SLFNL1: variants seen among roughly 807,000 people sequenced by gnomAD.
The protein encoded by SLFNL1 is schlafen-like protein 1.
A neutral mutation model predicts 32.5 loss-of-function variants in SLFNL1; 26 were observed. That is an observed-to-expected ratio of 0.80 (90% CI 0.59 to 1.11). The LOEUF (loss-of-function observed/expected upper bound fraction) is 1.11. Ranked by LOEUF, SLFNL1 falls within the 50% of genes least tolerant of loss-of-function variation. The pLI, the probability that SLFNL1 is intolerant of heterozygous loss-of-function variation, is 0.00. For synonymous variants in SLFNL1, 255 were observed against 242.2 expected, an observed-to-expected ratio of 1.05 and a Z score of -0.49; for missense variants, 553 against 546.5, an observed-to-expected ratio of 1.01 and a Z score of -0.12.
rs750104018 is a variant in SLFNL1, at chr1:41,016,152, T to A, written c.1178A>T (p.Gln393Leu). 1 of 1,614,190 alleles carries A rather than the reference T, an allele frequency of 6.2e-7. No homozygotes were observed. The highest frequency in any genetic ancestry group is 8.5e-7 in the Non-Finnish European group (1 of 1,180,008). ...LMMEKEQLQQ[Q>L]LQQHGPVSCT... is the part of the protein sequence containing the mutation. ...GGACACAGGCCCGTGCTGCTGCAGC[T>A]GCTGCTGGAGCTGCTCCTTCTCCAT... The change falls in exon 6 of 6, where the codon CAG (glutamine) becomes CTG (leucine). Residue 393 changes from glutamine (Q) to leucine (L), a missense_variant. Gln to Leu is a moderately radical substitution (Grantham distance 113). Transcript: ENST00000302946.
chr1:41,017,366 C>A lies in SLFNL1; in HGVS notation c.969G>T (p.Leu323=). Residue 323 remains leucine, a synonymous_variant, in exon 5 of 6, where the codon CTG becomes CTT. Transcript: ENST00000302946. The surrounding 1 kb of genome is among the most constrained non-coding windows in gnomAD (Gnocchi z 4.9). ...TCTGGGCCTTGGGGGTGTGCACGGT[C>A]AGGCGGATCACCTTGGTAGGGGCAA... ...ETSVPLKVIR[L]TVHTPKAQSQ... is the part of the protein sequence containing the mutation. 1 of 1,613,182 alleles carries A rather than the reference C, an allele frequency of 6.2e-7. No homozygotes were observed. The highest frequency in any genetic ancestry group is 8.5e-7 in the Non-Finnish European group (1 of 1,179,724).
chr1:41,016,264 G>T, intron 5 of SLFNL1, 36 bp from the exon 6 acceptor site: 1 of 1,609,602 alleles, frequency 6.2e-7, no homozygotes, highest in Non-Finnish European at 8.5e-7. Context: ...GGCCAAGCCC[G>T]CCTGGTCTCG....
At chr1:41,016,792 C>T (rs575886633) in intron 5 of SLFNL1, 1 of 156,202 alleles carries the variant, frequency 6.4e-6, no homozygotes, top group Admixed American at 6.4e-5. Flanking sequence ...TCACTGCAAC[C>T]TCCGCTTCCC....
In SLFNL1 at chr1:41,017,565, G is replaced by A; in HGVS notation, c.957+70C>T. 6.7e-7 allele frequency: 1 copy of A among 1,501,844 alleles called. No homozygotes were observed. The highest frequency in any genetic ancestry group is 8.9e-7 in the Non-Finnish European group (1 of 1,125,242). The allele number at this position is 1,501,844 out of a possible 1,614,324, so 93.0% of individuals were successfully genotyped here. ...CCTGCCCCAGCACTGCCTGGCAGGA[G>A]TGCAGGCCATCGTCTTACTGAGTGA... On this transcript the variant is annotated intron_variant, in intron 4 of 5. Coordinates refer to ENST00000302946, the MANE Select transcript of SLFNL1 (RefSeq NM_144990.4). The surrounding 1 kb of genome is among the most constrained non-coding windows in gnomAD (Gnocchi z 4.9).
chr1:41,017,782 G>A lies in SLFNL1; in HGVS notation c.810C>T (p.Gly270=), dbSNP rs1439963624. ...VGVEDSGLVQ[G]IRCSHRDEDR... ...CCTCGTCACGGTGGCTGCAGCGGAT[G>A]CCCTGCACCAGGCCGCTGTCCTCTA... Residue 270 remains glycine (G), a synonymous_variant, in exon 4 of 6, where the codon GGC becomes GGT. Coordinates refer to ENST00000302946, the MANE Select transcript of SLFNL1 (RefSeq NM_144990.4). This position sits in a 1 kb window ranked among gnomAD's most constrained non-coding sequence, Gnocchi z 4.9. The A allele has an allele frequency of 2.5e-6, 4 of 1,606,184 alleles. No homozygotes were observed. The South Asian group carries it at 4.4e-5, about 18-fold the overall frequency.
chr1:41,020,150 T>C, intron 3 of SLFNL1, 76 bp downstream of exon 3: 1 of 1,443,042 alleles, frequency 6.9e-7, no homozygotes. Flanking sequence ...CCATCCCCAC[T>C]CTGCAGGCCA....
At chr1:41,016,892 T>TA (rs1643380020) in intron 5 of SLFNL1, 1 of 178,580 alleles carries the variant, frequency 5.6e-6, no homozygotes, top group Non-Finnish European at 1.2e-5. Context: ...GTATTTTTAG[T>TA]AGAGACGAGG....
chr1:41,018,857 A>G (rs1571024187), intron 3 of SLFNL1, among the ~76,000 whole-genome samples: 1 of 90,282 alleles, frequency 1.1e-5, no homozygotes, highest in South Asian at 3.7e-4. Context: ...TTTTTTTGAG[A>G]CAGAGTCTCG....
At position 41,020,797 on chromosome 1, in the gene SLFNL1, G is replaced by A; in HGVS notation, c.-118-19C>T. On this transcript the variant is annotated intron_variant, in intron 2 of 5. Coordinates refer to ENST00000302946, the MANE Select transcript of SLFNL1 (RefSeq NM_144990.4). ...CCGGCTCCTGGGAGGTACACAGATTGGCAGAGACTGGGCAGGGCCAGAGAG... is the reference window on the plus strand; with the variant it reads ...CCGGCTCCTGGGAGGTACACAGATTAGCAGAGACTGGGCAGGGCCAGAGAG... 2.6e-6 allele frequency: 2 copies of A among 759,926 alleles called. No homozygotes were observed. The highest frequency in any genetic ancestry group is 2.7e-5 in the East Asian group (1 of 37,122). 47.1% of individuals were successfully genotyped at this position (759,926 alleles called of 1,614,324 possible).
chr1:41,016,487 C>T (rs1423044839), intron 5 of SLFNL1: 3 of 483,176 alleles, frequency 6.2e-6, no homozygotes, highest in East Asian at 3.9e-5. Context: ...GGTCCCTTGT[C>T]CTCCATTCTC....
rs760201537 is a variant in SLFNL1 at position 41,020,600 on chromosome 1, C to T, written c.61G>A (p.Gly21Ser). ...GGTAGCTCCGGCAGGGACTCCTCAC[C>T]CCAGGACTCCATGAAGGGCTCTGAC... ...QVSEPFMESW[G>S]EESLPELPAE... Residue 21 changes from glycine to serine, a missense_variant, in exon 3 of 6, where the codon GGT becomes AGT. Transcript: ENST00000302946. The T allele has an allele frequency of 1.9e-6, 3 of 1,613,416 alleles. No homozygotes were observed. The South Asian group carries it at 3.3e-5, about 18-fold the overall frequency.
At chr1:41,019,783 G>C (rs1643682467) in intron 3 of SLFNL1, among the ~76,000 whole-genome samples, 1 of 152,206 alleles carries the variant, frequency 6.6e-6, no homozygotes, top group Non-Finnish European at 1.5e-5. Flanking sequence ...GTGGGTGGCT[G>C]TCCAGCTCTG....
At chr1:41,018,837 T>TTG (rs2148446904) in intron 3 of SLFNL1, among the ~76,000 whole-genome samples, 1 of 137,066 alleles carries the variant, frequency 7.3e-6, no homozygotes, top group South Asian at 2.5e-4. Flanking sequence ...TGTTTTTTTT[T>TTG]TTTTTTTTTT....
Position 41,020,491 on chromosome 1 carries a change from T to TG in SLFNL1, c.169dup (p.Gln57ProfsTer28), listed in dbSNP as rs1365033539. On this transcript the variant is annotated frameshift_variant, in exon 3 of 6. Coordinates refer to ENST00000302946, the MANE Select transcript of SLFNL1 (RefSeq NM_144990.4). LOFTEE classifies it high-confidence loss of function. ...GCAGGCAAGCACCGGCACTGAGAACTGGGGGTTCAGATGGCCCACATAGAG... is the reference window on the plus strand; with the variant it reads ...GCAGGCAAGCACCGGCACTGAGAACTGGGGGGTTCAGATGGCCCACATAGAG... The TG allele has an allele frequency of 6.2e-7, 1 of 1,613,456 alleles. No individual in the cohort carries two copies. The highest frequency in any genetic ancestry group is 1.7e-5 in the Admixed American group (1 of 60,024).
At chr1:41,020,079 G>A (rs779443290) in intron 3 of SLFNL1, 147 bp downstream of exon 3, 7 of 798,282 alleles carry the variant, frequency 8.8e-6, no homozygotes, top group South Asian at 1.8e-5. Flanking sequence ...GCAAGCCATG[G>A]TCATTTGAGT....
At position 41,021,673 on chromosome 1, in the gene SLFNL1, C is replaced by T. The variant is rs1643843574; in HGVS notation, c.-176G>A. On this transcript the variant is annotated 5_prime_UTR_variant, in exon 1 of 6. Coordinates refer to ENST00000302946, the MANE Select transcript of SLFNL1 (RefSeq NM_144990.4). ...GAGCATGGGAGGTGCCTGCCCTGAG[C>T]TCCCATAGCCTCCCGACCCCTGGCC... The T allele has an allele frequency of 1.3e-5, 2 of 152,248 alleles. No individual in the cohort carries two copies. The highest frequency in any genetic ancestry group is 2.9e-5 in the Non-Finnish European group (2 of 68,058). 9.4% of individuals were successfully genotyped at this position (152,248 alleles called of 1,614,324 possible). A position where few individuals can be genotyped will look rare whatever the true frequency, so the allele number is the denominator to read the frequency against.
chr1:41,017,285 C>G lies in SLFNL1; in HGVS notation c.1050G>C (p.Gly350=). 4 of 1,609,838 alleles carry G rather than the reference C, an allele frequency of 2.5e-6. No individual in the cohort carries two copies. The highest frequency in any genetic ancestry group is 3.4e-6 in the Non-Finnish European group (4 of 1,178,558). Residue 350 remains glycine, a synonymous_variant, in exon 5 of 6, where the codon GGG becomes GGC. Transcript: ENST00000302946. The surrounding 1 kb of genome is among the most constrained non-coding windows in gnomAD (Gnocchi z 4.9). ...DQGEVFLRRD[G]SIQGPLSASA... ...TGGCAGACAGCGGGCCCTGGATGCT[C>G]CCGTCGCGCCGCAGAAACACCTCCC... is the stretch of plus-strand genomic sequence containing the variant.
In SLFNL1 at chr1:41,020,706, G is replaced by C; in HGVS notation, c.-46C>G. On this transcript the variant is annotated 5_prime_UTR_variant, in exon 3 of 6. Transcript: ENST00000302946. ...GGGGTTCCAGGATTCCTCACTGCTGGCTGCTTCTCCCAGGGTCTGTGTTCT... is the reference window on the plus strand; with the variant it reads ...GGGGTTCCAGGATTCCTCACTGCTGCCTGCTTCTCCCAGGGTCTGTGTTCT... 6.4e-7 allele frequency: 1 copy of C among 1,559,848 alleles called. No homozygotes were observed. Among genetic ancestry groups the C allele is most frequent in the Non-Finnish European group, 8.7e-7 (1 of 1,144,842 alleles).
chr1:41,016,108 A>AC lies in SLFNL1; in HGVS notation c.1221dup (p.Ter408ValfsTer16). The AC allele has an allele frequency of 6.2e-7, 1 of 1,613,086 alleles. No homozygotes were observed. The highest frequency in any genetic ancestry group is 8.5e-7 in the Non-Finnish European group (1 of 1,179,530). On this transcript the variant is annotated frameshift_variant, in exon 6 of 6. Coordinates refer to ENST00000302946, the MANE Select transcript of SLFNL1 (RefSeq NM_144990.4). LOFTEE classifies it high-confidence loss of function. ...GTCCTGCCTGCTCCCCAGGGCCCTC[A>AC]CAGGACACAGCAGGTGCAGGACACA...
Sources: allele counts gnomAD v4.1 joint callset (sites outside exome capture counted in the v4.1 genomes callset), GRCh38; gene constraint gnomAD v4.1.1; non-coding constraint Gnocchi (gnomAD v3.1); transcripts MANE v1.5; gene names NCBI Gene and HGNC (gene_info 2026-07-23, HGNC 2026-07-21).